The following SLC34A2 variants were observed in gnomAD, a reference collection of about 807,000 sequenced individuals.
SLC34A2 encodes sodium-dependent phosphate transport protein 2B.
In SLC34A2, 41 loss-of-function variants were observed where a neutral mutation model predicts 50.8. That is an observed-to-expected ratio of 0.81 (90% CI 0.63 to 1.05). SLC34A2 has a LOEUF of 1.05. SLC34A2 is among the 50% of genes least tolerant of loss of function. SLC34A2 has a pLI of 0.00. For missense variants in SLC34A2, 879 were observed against 876.7 expected (o/e 1.00, Z -0.03); for synonymous variants, 401 against 364.2 (o/e 1.10, Z -1.15).
intron 5 of SLC34A2, 39 bp from the exon 6 acceptor site, chr4:25,667,841 C>A: frequency 7.1e-7 from 1 of 1,403,850 alleles, no homozygotes; most frequent in Middle Eastern, 1.8e-4. Flanking sequence ...CTCCAGGCTG[C>A]CTTTCTAAGC....
intron 3 of SLC34A2, among the ~76,000 whole-genome samples, chr4:25,663,217 G>A (rs1047101491): frequency 1.3e-5 from 2 of 152,126 alleles, no homozygotes; most frequent in Non-Finnish European, 2.9e-5. Context: ...ACCTTCCAAA[G>A]TGCTGAGATT....
Position 25,671,667 on chromosome 4 carries a change from G to A in SLC34A2, c.994G>A (p.Gly332Ser), listed in dbSNP as rs1296266971. The change falls in exon 9 of 13, where the codon GGC becomes AGC. Residue 332 changes from glycine to serine, a missense_variant. Gly to Ser is a moderately conservative substitution (Grantham distance 56). Coordinates refer to ENST00000382051, the MANE Select transcript of SLC34A2 (RefSeq NM_006424.3). ...CTSPSLCWTD[G>S]IQNWTMKNVT... ...CTCCCCTTCCCTCTGTTGGACGGAT[G>A]GCATCCAAAACTGGACCATGAAGAA... 1 of 1,614,170 alleles carries A rather than the reference G, an allele frequency of 6.2e-7. No homozygotes were observed. The highest frequency in any genetic ancestry group is 1.7e-5 in the Admixed American group (1 of 60,018).
chr4:25,656,882 T>A (rs1713911126), intron 1 of SLC34A2, among the ~76,000 whole-genome samples: 1 of 152,222 alleles, frequency 6.6e-6, no homozygotes, highest in Non-Finnish European at 1.5e-5. Context: ...GCCTTGTCGT[T>A]CTTTCCTTTT....
chr4:25,662,673 T>C, intron 2 of SLC34A2, 32 bp from the exon 3 acceptor site: 2 of 1,614,176 alleles, frequency 1.2e-6, no homozygotes, highest in Non-Finnish European at 8.5e-7. Context: ...GACTCAGGTC[T>C]GATTCCTCAT....
intron 6 of SLC34A2, among the ~76,000 whole-genome samples, chr4:25,668,257 G>A (rs1394156917): frequency 6.6e-6 from 1 of 152,214 alleles, no homozygotes; most frequent in African/African-American, 2.4e-5. Flanking sequence ...GCAGGTGAGT[G>A]TTCAGAGCAC....
chr4:25,670,865 AG>A, intron 8 of SLC34A2, 32 bp downstream of exon 8: 1 of 1,540,940 alleles, frequency 6.5e-7, no homozygotes, highest in Non-Finnish European at 9.0e-7. Flanking sequence ...CGGGGCGGGG[AG>A]TGAACCTTTG....
chr4:25,676,241 C>A lies in SLC34A2; in HGVS notation c.1565C>A (p.Ser522Tyr). Residue 522 changes from serine (S) to tyrosine (Y), a missense_variant, in exon 13 of 13, where the codon TCT becomes TAT. Coordinates refer to ENST00000382051, the MANE Select transcript of SLC34A2 (RefSeq NM_006424.3). ...IRMAKGLGNI[S>Y]AKYRWFAVFY... is the part of the protein sequence containing the mutation. Reference sequence around the variant, plus strand: ...ATGGCCAAGGGGCTGGGCAACATCTCTGCCAAGTATCGCTGGTTCGCCGTC... The same window carrying A: ...ATGGCCAAGGGGCTGGGCAACATCTATGCCAAGTATCGCTGGTTCGCCGTC... 1 of 1,614,226 alleles carries A rather than the reference C, an allele frequency of 6.2e-7. No individual in the cohort carries two copies. Among genetic ancestry groups the A allele is most frequent in the Non-Finnish European group, 8.5e-7 (1 of 1,180,048 alleles).
chr4:25,664,529 T>C (rs1486369553), intron 4 of SLC34A2, among the ~76,000 whole-genome samples, 199 bp downstream of exon 4: 1 of 152,216 alleles, frequency 6.6e-6, no homozygotes, highest in Non-Finnish European at 1.5e-5. Flanking sequence ...GGCTATGACT[T>C]GGCCCAGGTG....
intron 1 of SLC34A2, among the ~76,000 whole-genome samples, chr4:25,661,317 A>G (rs1714170203): frequency 6.6e-6 from 1 of 152,202 alleles, no homozygotes. Flanking sequence ...TTTTAAAACC[A>G]GGTCCATCAC....
rs1318430068 is a variant in SLC34A2, at chr4:25,676,209, C to T, written c.1533C>T (p.Pro511=). 6.2e-7 allele frequency: 1 copy of T among 1,614,228 alleles called. No individual in the cohort carries two copies. The highest frequency in any genetic ancestry group is 2.2e-5 in the East Asian group (1 of 44,884). Reference sequence around the variant, plus strand: ...ACCCGATCCCGTTCACTCGCCTGCCCATCCGCATGGCCAAGGGGCTGGGCA... The same window carrying T: ...ACCCGATCCCGTTCACTCGCCTGCCTATCCGCATGGCCAAGGGGCTGGGCA... ...LWYPIPFTRL[P]IRMAKGLGNI... is the part of the protein sequence containing the mutation. The change falls in exon 13 of 13, where the codon CCC becomes CCT. Residue 511 remains proline (P), a synonymous_variant. Transcript: ENST00000382051.
intron 6 of SLC34A2, among the ~76,000 whole-genome samples, chr4:25,669,278 T>A (rs1714682779): frequency 6.6e-6 from 1 of 152,188 alleles, no homozygotes; most frequent in Admixed American, 6.5e-5. Flanking sequence ...TTGGAACAAT[T>A]GAAAACTCCA....
intron 1 of SLC34A2, among the ~76,000 whole-genome samples, chr4:25,660,768 C>T (rs1714137758): frequency 1.3e-5 from 2 of 152,214 alleles, no homozygotes; most frequent in Non-Finnish European, 2.9e-5. Flanking sequence ...TGGTCTCTAA[C>T]TCCTGACCTC....
rs760701932 is a variant in SLC34A2 at position 25,676,777 on chromosome 4, G to A, written c.*28G>A. ...GACGCCCCAGATTGTCAGGGATGGG[G>A]GGATGGTCCTTGAGTTTTGCATGCT... On this transcript the variant is annotated 3_prime_UTR_variant, in exon 13 of 13. Coordinates refer to ENST00000382051, the MANE Select transcript of SLC34A2 (RefSeq NM_006424.3). 2 of 1,613,812 alleles carry A rather than the reference G, an allele frequency of 1.2e-6. No individual in the cohort carries two copies. Among genetic ancestry groups the A allele is most frequent in the East Asian group, 2.2e-5 (1 of 44,860 alleles).
At chr4:25,662,881 T>C in intron 3 of SLC34A2, 39 bp downstream of exon 3, 1 of 1,610,678 alleles carries the variant, frequency 6.2e-7, no homozygotes, top group Non-Finnish European at 8.5e-7. Flanking sequence ...GGAGGGAAAC[T>C]TCCTGTGGTT....
chr4:25,669,160 A>G (rs1480166516), intron 6 of SLC34A2, among the ~76,000 whole-genome samples: 8 of 152,172 alleles, frequency 5.3e-5, no homozygotes, highest in Non-Finnish European at 2.9e-5. Context: ...ATATTTTTAC[A>G]CCTTTCTGGG....
In SLC34A2 at chr4:25,664,308, T is replaced by C. The variant is rs765180710; in HGVS notation, c.357T>C (p.Ser119=). The change falls in exon 4 of 13, where the codon AGT becomes AGC. Residue 119 remains serine (S), a synonymous_variant. Transcript: ENST00000382051. ...TCGTGTGCTCCCTGGATATTCTTAG[T>C]AGCGCCTTCCAGCTGGTTGGAGGTA... ...YFFVCSLDIL[S]SAFQLVGGKM... 40 of 1,614,002 alleles carry C rather than the reference T, an allele frequency of 2.5e-5. No individual in the cohort carries two copies. The highest frequency in any genetic ancestry group is 3.3e-5 in the Admixed American group (2 of 59,998).
intron 5 of SLC34A2, chr4:25,667,090 A>G (rs1714540109): frequency 6.6e-6 from 1 of 152,220 alleles, no homozygotes; most frequent in Admixed American, 6.5e-5. Flanking sequence ...TTTCTCGTCC[A>G]GTTAGAAAAA....
intron 4 of SLC34A2, 69 bp downstream of exon 4, chr4:25,664,399 A>C: frequency 6.4e-7 from 1 of 1,570,498 alleles, no homozygotes; most frequent in Non-Finnish European, 8.8e-7. Context: ...CGAGAGTAAA[A>C]CTCAGCAAGC....
At chr4:25,672,766 T>C (rs952064476) in intron 9 of SLC34A2, among the ~76,000 whole-genome samples, 2 of 146,666 alleles carry the variant, frequency 1.4e-5, no homozygotes, top group Non-Finnish European at 3.0e-5. Flanking sequence ...TTATCATTAG[T>C]AAAAAAAAAA....
Sources: gnomAD v4.1 joint callset for allele counts (sites outside exome capture counted in the v4.1 genomes callset) on GRCh38, gnomAD v4.1.1 for gene constraint, MANE v1.5 for transcripts, NCBI Gene and HGNC (gene_info 2026-07-23, HGNC 2026-07-21) for gene names.